The following PARD3B variants were observed in gnomAD, a reference collection of about 807,000 sequenced individuals.
PARD3B encodes par-3 family cell polarity regulator beta.
Under a neutral mutation model 130.2 loss-of-function variants are expected in PARD3B, and 103 were observed. That is an observed-to-expected ratio of 0.79 (90% CI 0.67 to 0.93). The LOEUF is 0.93. PARD3B is among the 40% of genes least tolerant of loss of function. The pLI is 0.00. For missense variants in PARD3B, 1,609 were observed against 1,499.2 expected (o/e 1.07, Z -1.21); for synonymous variants, 583 against 553.2 (o/e 1.05, Z -0.76).
In PARD3B at chr2:204,689,358, C is replaced by G. The variant is rs1340933050; in HGVS notation, c.222+3076C>G. On this transcript the variant is annotated intron_variant, in intron 2 of 22. Transcript: ENST00000406610. This position sits in a 1 kb window ranked among gnomAD's most constrained non-coding sequence, Gnocchi z 5.2. ...CTCCACTGTGTTACACTACTTCTAG[C>G]CTATATGTGTCAAAATATTATTGGA... Among the ~76,000 whole-genome samples, 2 of 152,042 alleles carry G rather than the reference C, an allele frequency of 1.3e-5. No homozygotes were observed. The highest frequency in any genetic ancestry group is 6.6e-5 in the Admixed American group (1 of 15,254).
intron 10 of PARD3B, among the ~76,000 whole-genome samples, chr2:205,157,686 C>T (rs1318784628): frequency 2.0e-5 from 3 of 152,032 alleles, no homozygotes; most frequent in Admixed American, 1.3e-4. Flanking sequence ...AGATGGGAGT[C>T]TCTAGATATA....
At chr2:205,354,594 A>G (rs1359392858) in intron 18 of PARD3B, among the ~76,000 whole-genome samples, 1 of 152,174 alleles carries the variant, frequency 6.6e-6, no homozygotes. Flanking sequence ...TTGGGATTAT[A>G]AACATGTGCC....
At chr2:205,497,186 G>A (rs544635333) in intron 20 of PARD3B, among the ~76,000 whole-genome samples, 3 of 142,896 alleles carry the variant, frequency 2.1e-5, no homozygotes, top group Non-Finnish European at 4.5e-5. Flanking sequence ...TATTATGAGA[G>A]TTTCAACATA....
chr2:204,856,204 A>G (rs561879289), intron 2 of PARD3B, among the ~76,000 whole-genome samples: 9 of 152,094 alleles, frequency 5.9e-5, no homozygotes, highest in Non-Finnish European at 1.2e-4. Context: ...ATCTTCACCA[A>G]TATTTATCAC....
At chr2:204,655,846 G>A (rs2035620213) in intron 1 of PARD3B, among the ~76,000 whole-genome samples, 1 of 152,114 alleles carries the variant, frequency 6.6e-6, no homozygotes, top group South Asian at 2.1e-4. Flanking sequence ...AGTTTTGACT[G>A]TGTTTACTCA....
chr2:205,197,598 A>G (rs2036765937), intron 15 of PARD3B, among the ~76,000 whole-genome samples: 1 of 152,214 alleles, frequency 6.6e-6, no homozygotes, highest in African/African-American at 2.4e-5. Flanking sequence ...ACTGGCATGC[A>G]TGTGGTCACA....
In PARD3B at chr2:204,822,375, GC is replaced by G. The variant is rs138700848; in HGVS notation, c.222+136095del. On this transcript the variant is annotated intron_variant, in intron 2 of 22. Transcript: ENST00000406610. ...AGTGGTTTCTTCAGGTGAGATCTAG[GC>G]CTGGTGAAGATGCTATGAACATTGT... is the stretch of plus-strand genomic sequence containing the variant. 6.8e-3 allele frequency among the ~76,000 whole-genome samples: 1,034 copies of G among 152,284 alleles called. 10 individuals are homozygous for G. Among genetic ancestry groups the G allele is most frequent in the African/African-American group, 0.023 (939 of 41,556 alleles).
At chr2:204,725,805 CTG>C (rs892880578) in intron 2 of PARD3B, among the ~76,000 whole-genome samples, 3 of 152,194 alleles carry the variant, frequency 2.0e-5, no homozygotes, top group African/African-American at 7.2e-5. Flanking sequence ...GAGGCCAACT[CTG>C]TAAACTTATG....
chr2:205,549,376 G>T (rs1388530376), intron 21 of PARD3B, among the ~76,000 whole-genome samples: 2 of 152,078 alleles, frequency 1.3e-5, no homozygotes, highest in African/African-American at 4.8e-5. Flanking sequence ...CCAAAATTTG[G>T]AGGCAACTAA....
At chr2:204,806,514 A>C (rs1167674173) in intron 2 of PARD3B, among the ~76,000 whole-genome samples, 4 of 152,202 alleles carry the variant, frequency 2.6e-5, no homozygotes, top group Admixed American at 1.3e-4. Flanking sequence ...CTTAAATGTA[A>C]GACCTGAAGC....
At chr2:205,193,107 A>C in intron 14 of PARD3B, 98 bp from the exon 15 acceptor site, 1 of 771,424 alleles carries the variant, frequency 1.3e-6, no homozygotes, top group Non-Finnish European at 2.2e-6. Flanking sequence ...GGAGCTGCGC[A>C]GAGTGATGAG....
chr2:205,214,269 C>T (rs1015683277), intron 15 of PARD3B, among the ~76,000 whole-genome samples: 3 of 151,894 alleles, frequency 2.0e-5, no homozygotes, highest in African/African-American at 7.3e-5. Context: ...ACAAAAATAA[C>T]GTAGTCTGTA....
At chr2:205,505,225 C>T (rs1332505992) in intron 21 of PARD3B, among the ~76,000 whole-genome samples, 1 of 150,744 alleles carries the variant, frequency 6.6e-6, no homozygotes, top group Admixed American at 6.6e-5. Context: ...GAACATGACA[C>T]ACTGGGGCCT....
intron 21 of PARD3B, among the ~76,000 whole-genome samples, chr2:205,542,538 C>T (rs1330619180): frequency 6.6e-6 from 1 of 152,220 alleles, no homozygotes; most frequent in East Asian, 1.9e-4. Flanking sequence ...GCAGTCATCA[C>T]AAAATAACTT....
chr2:205,367,614 A>T (rs1053055149), intron 18 of PARD3B, among the ~76,000 whole-genome samples: 15 of 152,174 alleles, frequency 9.9e-5, no homozygotes, highest in African/African-American at 3.6e-4. Flanking sequence ...CATATGATAA[A>T]CAAGAAGATT....
At chr2:204,713,278 C>G (rs76586091) in intron 2 of PARD3B, among the ~76,000 whole-genome samples, 3,678 of 151,912 alleles carry the variant, frequency 0.024, 67 homozygotes, top group Middle Eastern at 0.072. Flanking sequence ...ATGATGCCAA[C>G]TTGTTTTCCA....
intron 2 of PARD3B, among the ~76,000 whole-genome samples, chr2:204,807,388 G>C (rs1251128121): frequency 6.6e-6 from 1 of 152,168 alleles, no homozygotes. Context: ...TTTATACACT[G>C]TTGGTCGGAA....
At chr2:205,081,720 T>A (rs970681169) in intron 4 of PARD3B, among the ~76,000 whole-genome samples, 4 of 152,132 alleles carry the variant, frequency 2.6e-5, no homozygotes, top group Admixed American at 6.5e-5. Flanking sequence ...TTTGCATTCC[T>A]GGTGAAAATC....
At position 205,590,651 on chromosome 2, in the gene PARD3B, AG is replaced by A. The variant is rs2054355135; in HGVS notation, c.3261-24804del. Among the ~76,000 whole-genome samples, 1 of 152,182 alleles carries A rather than the reference AG, an allele frequency of 6.6e-6. No individual in the cohort carries two copies. Among genetic ancestry groups the A allele is most frequent in the African/African-American group, 2.4e-5 (1 of 41,448 alleles). On this transcript the variant is annotated intron_variant, in intron 22 of 22. Coordinates refer to ENST00000406610, the MANE Select transcript of PARD3B (RefSeq NM_001302769.2). This position sits in a 1 kb window ranked among gnomAD's most constrained non-coding sequence, Gnocchi z 4.1. ...GAACAGAAGGCTGTCACCAGGATAA[AG>A]TAGGACAGATGCTAGACTGGCAAAA... is the stretch of plus-strand genomic sequence containing the variant.
Sources: allele counts gnomAD v4.1 joint callset (sites outside exome capture counted in the v4.1 genomes callset), GRCh38; gene constraint gnomAD v4.1.1; non-coding constraint Gnocchi (gnomAD v3.1); transcripts MANE v1.5; gene names NCBI Gene and HGNC (gene_info 2026-07-23, HGNC 2026-07-21).